CCL28: variants seen among roughly 807,000 people sequenced by gnomAD.
CCL28 encodes C-C motif chemokine 28.
Under a neutral mutation model 7.1 loss-of-function variants are expected in CCL28, and 4 were observed. The ratio of observed to expected loss-of-function variants is 0.56; its 90% CI spans 0.28 to 1.29. CCL28 has a LOEUF of 1.29. Ranked by LOEUF, CCL28 falls within the 50% of genes most tolerant of loss-of-function variation. CCL28 has a pLI of 0.11. For synonymous variants in CCL28, 55 were observed against 57.8 expected (o/e 0.95, Z 0.22); for missense variants, 151 against 163.4 (o/e 0.92, Z 0.41).
At chr5:43,363,856 A>T in the CCL28 span, among the ~76,000 whole-genome samples, 1 of 152,186 alleles carries the variant, frequency 6.6e-6, no homozygotes, top group Admixed American at 6.5e-5. Flanking sequence ...GGGAGAGGAG[A>T]GGATCATCTT....
intron 1 of CCL28, among the ~76,000 whole-genome samples, chr5:43,398,892 G>A (rs190406904): frequency 1.1e-4 from 16 of 151,974 alleles, no homozygotes; most frequent in Admixed American, 3.3e-4. Flanking sequence ...TCTTGAATGC[G>A]TCCTCCTTTG....
chr5:43,360,254 T>A, the CCL28 span, among the ~76,000 whole-genome samples: 1 of 152,136 alleles, frequency 6.6e-6, no homozygotes, highest in East Asian at 1.9e-4. Context: ...AATGAAATAA[T>A]ATTAATATTC....
At chr5:43,406,718 C>T (rs6877388) in intron 1 of CCL28, among the ~76,000 whole-genome samples, 5,429 of 152,212 alleles carry the variant, frequency 0.036, 262 homozygotes, top group African/African-American at 0.11. Context: ...TGTCTGCAGA[C>T]GACATGATTG....
chr5:43,377,201 A>G (rs1226845319), downstream of CCL28: 1 of 152,366 alleles, frequency 6.6e-6, no homozygotes, highest in Non-Finnish European at 1.5e-5. Context: ...CATAAAGCCT[A>G]ATACGTAGGC....
intron 2 of CCL28, among the ~76,000 whole-genome samples, chr5:43,386,471 A>T (rs945381987): frequency 2.0e-5 from 3 of 152,292 alleles, no homozygotes; most frequent in African/African-American, 7.2e-5. Flanking sequence ...AACTGAGGAG[A>T]TGCTGAGAAA....
At chr5:43,366,882 C>T in the CCL28 span, among the ~76,000 whole-genome samples, 8 of 152,362 alleles carry the variant, frequency 5.3e-5, no homozygotes, top group East Asian at 1.3e-3. Context: ...CTGGCTACAG[C>T]GGCTTTGCTG....
intron 1 of CCL28, among the ~76,000 whole-genome samples, chr5:43,394,261 A>C (rs1579736393): frequency 2.0e-5 from 3 of 152,328 alleles, no homozygotes; most frequent in Admixed American, 2.0e-4. Context: ...TTGATACAAT[A>C]AGTCTTCCCA....
At chr5:43,372,144 TC>T (rs1235309619), downstream of CCL28, among the ~76,000 whole-genome samples, 1 of 152,056 alleles carries the variant, frequency 6.6e-6, no homozygotes, top group African/African-American at 2.4e-5. Context: ...CCCAAACACC[TC>T]CCATTGGGCT....
At chr5:43,390,153 T>A (rs1740514585) in intron 1 of CCL28, among the ~76,000 whole-genome samples, 1 of 152,186 alleles carries the variant, frequency 6.6e-6, no homozygotes, top group Admixed American at 6.5e-5. Flanking sequence ...ACAATGGTTG[T>A]TGGAGAGGTT....
the CCL28 span, among the ~76,000 whole-genome samples, chr5:43,361,539 G>T: frequency 6.6e-6 from 1 of 152,074 alleles, no homozygotes; most frequent in Non-Finnish European, 1.5e-5. Context: ...AGTGCTTTTG[G>T]CATCTTCATC....
chr5:43,364,702 T>C, the CCL28 span, among the ~76,000 whole-genome samples: 1 of 152,228 alleles, frequency 6.6e-6, no homozygotes, highest in East Asian at 1.9e-4. Context: ...AGTCTCTTTG[T>C]AGGTCTCTAA....
downstream of CCL28, among the ~76,000 whole-genome samples, chr5:43,376,439 T>C (rs766093764): frequency 3.9e-5 from 6 of 152,118 alleles, no homozygotes; most frequent in Non-Finnish European, 7.4e-5. Context: ...GCCCAAGATG[T>C]CAGTAGTGCC....
rs1741568856 is a variant in CCL28, at chr5:43,412,384, G to A, written c.-68C>T. ...TGTTCGATCAGGAAATGAGGCTAAA[G>A]GTGTCCTTGGGCACAGAGAAAGTGC... is the stretch of plus-strand genomic sequence containing the variant. On this transcript the variant is annotated 5_prime_UTR_variant, in exon 1 of 3. Transcript: ENST00000361115. 7.0e-7 allele frequency: 1 copy of A among 1,431,454 alleles called. No homozygotes were observed. The highest frequency in any genetic ancestry group is 1.8e-5 in the Admixed American group (1 of 56,316). The allele number at this position is 1,431,454 out of a possible 1,614,324, so 88.7% of individuals were successfully genotyped here.
the CCL28 span, among the ~76,000 whole-genome samples, chr5:43,368,071 G>T: frequency 6.6e-6 from 1 of 152,108 alleles, no homozygotes; most frequent in African/African-American, 2.4e-5. Context: ...TGGATTCCAG[G>T]CTCCACCACT....
chr5:43,375,411 C>G (rs1739869906), downstream of CCL28, among the ~76,000 whole-genome samples: 1 of 127,122 alleles, frequency 7.9e-6, no homozygotes, highest in Non-Finnish European at 1.6e-5. Context: ...ATCTACCAAT[C>G]CAGGGTAGCC....
chr5:43,370,378 A>G, the CCL28 span, among the ~76,000 whole-genome samples: 1 of 152,050 alleles, frequency 6.6e-6, no homozygotes, highest in Non-Finnish European at 1.5e-5. Context: ...ACGCATATCA[A>G]TGCACAGACA....
chr5:43,382,691 T>C (rs975339873), intron 2 of CCL28, among the ~76,000 whole-genome samples: 3 of 152,136 alleles, frequency 2.0e-5, no homozygotes, highest in Non-Finnish European at 4.4e-5. Flanking sequence ...AATTTAAAAC[T>C]TAAACTTAAT....
downstream of CCL28, among the ~76,000 whole-genome samples, chr5:43,374,993 T>C (rs1052519230): frequency 6.6e-6 from 1 of 152,036 alleles, no homozygotes; most frequent in Non-Finnish European, 1.5e-5. Context: ...AAGATCTTTT[T>C]CTTTTCTTTT....
At chr5:43,405,134 C>T (rs1438340821) in intron 1 of CCL28, among the ~76,000 whole-genome samples, 6 of 152,208 alleles carry the variant, frequency 3.9e-5, no homozygotes, top group African/African-American at 1.4e-4. Flanking sequence ...AGGAATTGAA[C>T]ACAGATGTGC....
Sources: gnomAD v4.1 joint callset for allele counts (sites outside exome capture counted in the v4.1 genomes callset) on GRCh38, gnomAD v4.1.1 for gene constraint, MANE v1.5 for transcripts, NCBI Gene and HGNC (gene_info 2026-07-23, HGNC 2026-07-21) for gene names.